The following SHOC2 variants were observed in gnomAD, a reference collection of about 807,000 sequenced individuals.
SHOC2 encodes leucine-rich repeat protein SHOC-2.
Under a neutral mutation model 50.2 loss-of-function variants are expected in SHOC2, and 4 were observed. The observed-to-expected ratio is 0.08, with a 90% confidence interval of 0.04 to 0.18. SHOC2 has a LOEUF of 0.18. Among genes scored for constraint, SHOC2 ranks in the 10% least tolerant of loss-of-function variants. SHOC2 has a pLI of 1.00. For synonymous variants in SHOC2, 218 were observed against 244.5 expected (o/e 0.89, Z 1.01); for missense variants, 388 against 669.6 (o/e 0.58, Z 4.64).
intron 1 of SHOC2, among the ~76,000 whole-genome samples, chr10:110,958,328 C>G (rs1269631853): frequency 6.6e-6 from 1 of 152,094 alleles, no homozygotes; most frequent in South Asian, 2.1e-4. Flanking sequence ...ATTCTTCTGC[C>G]TCAGCCTCCT....
At chr10:110,926,262 T>C (rs1846771026) in intron 1 of SHOC2, among the ~76,000 whole-genome samples, 1 of 152,208 alleles carries the variant, frequency 6.6e-6, no homozygotes, top group South Asian at 2.1e-4. Context: ...GTCTGTCTTA[T>C]TTACTGTTCC....
chr10:110,961,183 CATTTTGA>C (rs1306751599), intron 1 of SHOC2, among the ~76,000 whole-genome samples: 2 of 152,130 alleles, frequency 1.3e-5, no homozygotes, highest in East Asian at 3.9e-4. Context: ...AGATTTCAAG[CATTTTGA>C]GACTGGGTAC....
Position 111,011,728 on chromosome 10 carries a change from C to G in SHOC2, c.1659C>G (p.Leu553=), listed in dbSNP as rs1445114944. 3.7e-6 allele frequency: 6 copies of G among 1,614,014 alleles called. No homozygotes were observed. The highest frequency in any genetic ancestry group is 5.1e-6 in the Non-Finnish European group (6 of 1,179,916). Residue 553 remains leucine, a synonymous_variant, in exon 9 of 9, where the codon CTC becomes CTG. Transcript: ENST00000369452. Reference sequence around the variant, plus strand: ...TCATGAGTATTGAGAACTGTCCACTCAGTCACCTTCCACCTCAGATTGTTG... The same window carrying G: ...TCATGAGTATTGAGAACTGTCCACTGAGTCACCTTCCACCTCAGATTGTTG... ...LSIMSIENCP[L]SHLPPQIVAG...
At chr10:110,920,912 A>G (rs1386840005) in intron 1 of SHOC2, among the ~76,000 whole-genome samples, 2 of 152,202 alleles carry the variant, frequency 1.3e-5, no homozygotes, top group African/African-American at 4.8e-5. Flanking sequence ...GAGTGCGTCT[A>G]GTTTCTACTC....
At chr10:110,940,992 C>T (rs908173128) in intron 1 of SHOC2, among the ~76,000 whole-genome samples, 1 of 138,994 alleles carries the variant, frequency 7.2e-6, no homozygotes, top group South Asian at 2.4e-4. Context: ...GTGCAGTTAG[C>T]ACAATCTCTA....
At chr10:110,931,965 G>C (rs912394151) in intron 1 of SHOC2, among the ~76,000 whole-genome samples, 1 of 152,134 alleles carries the variant, frequency 6.6e-6, no homozygotes, top group Non-Finnish European at 1.5e-5. Flanking sequence ...CATGATAAGT[G>C]TTCTGTTAGG....
chr10:110,920,101 G>A (rs74156313), intron 1 of SHOC2: 14,520 of 151,512 alleles, frequency 0.096, 1,063 homozygotes, highest in East Asian at 0.24. Context: ...GCCCCGAGTC[G>A]TGTAAATCGT....
At chr10:110,954,242 T>G (rs921897550) in intron 1 of SHOC2, among the ~76,000 whole-genome samples, 6 of 152,150 alleles carry the variant, frequency 3.9e-5, no homozygotes, top group Admixed American at 6.5e-5. Context: ...GAATAGAAAT[T>G]GAAATATTTG....
chr10:110,990,358 G>A (rs959611028), intron 3 of SHOC2, among the ~76,000 whole-genome samples: 1 of 152,220 alleles, frequency 6.6e-6, no homozygotes, highest in Non-Finnish European at 1.5e-5. Context: ...CTCTGGTGGG[G>A]ACGTGGAGAA....
chr10:110,940,360 C>T (rs1847111298), intron 1 of SHOC2, among the ~76,000 whole-genome samples: 1 of 152,142 alleles, frequency 6.6e-6, no homozygotes, highest in Admixed American at 6.5e-5. Flanking sequence ...GTAACTCTCA[C>T]ATACCTTTAT....
At position 110,972,139 on chromosome 10, in the gene SHOC2, GTAT is replaced by G. The variant is rs535215742; in HGVS notation, c.703+7084_703+7086del. Among the ~76,000 whole-genome samples, 429 of 150,266 alleles carry G rather than the reference GTAT, an allele frequency of 2.9e-3. 2 individuals carry two copies. The highest frequency in any genetic ancestry group is 9.2e-3 in the African/African-American group (380 of 41,114). On this transcript the variant is annotated intron_variant, in intron 2 of 8. Transcript: ENST00000369452. ...TATATTTTAGTATTATAGTATTATG[GTAT>G]TATTACTATAACTTTATAATATATA... is the stretch of plus-strand genomic sequence containing the variant.
intron 4 of SHOC2, among the ~76,000 whole-genome samples, chr10:111,001,968 C>T (rs965457188): frequency 6.6e-6 from 1 of 151,928 alleles, no homozygotes. Flanking sequence ...GTGGCTTGAA[C>T]CCGGGAGGCA....
intron 5 of SHOC2, among the ~76,000 whole-genome samples, chr10:111,006,128 G>A (rs1252766723): frequency 1.3e-5 from 2 of 152,172 alleles, no homozygotes; most frequent in Non-Finnish European, 2.9e-5. Context: ...ATTAGTTTAT[G>A]CATTTGCATG....
intron 3 of SHOC2, among the ~76,000 whole-genome samples, chr10:110,994,996 C>T (rs1848245552): frequency 1.3e-5 from 2 of 151,978 alleles, no homozygotes; most frequent in Non-Finnish European, 2.9e-5. Context: ...TCAATTATGT[C>T]CAATAAAGTC....
intron 2 of SHOC2, among the ~76,000 whole-genome samples, chr10:110,977,540 C>T (rs1029507867): frequency 6.6e-6 from 1 of 152,190 alleles, no homozygotes; most frequent in Non-Finnish European, 1.5e-5. Context: ...CCACCGTACC[C>T]ATCCTGCATG....
At chr10:110,938,469 A>C (rs141547054) in intron 1 of SHOC2, among the ~76,000 whole-genome samples, 146 of 152,182 alleles carry the variant, frequency 9.6e-4, no homozygotes, top group African/African-American at 3.2e-3. Flanking sequence ...TTAATAATTT[A>C]TAATAATAAA....
rs1418237323 is a variant in SHOC2 at position 110,987,611 on chromosome 10, A to G, written c.841+1846A>G. ...ATATTCTACTAAATGTCCTGTATAA[A>G]ATAAGAGAATCAGATTTCTGGTTCA... On this transcript the variant is annotated intron_variant, in intron 3 of 8. Transcript: ENST00000369452. Among the ~76,000 whole-genome samples, 3 of 152,304 alleles carry G rather than the reference A, an allele frequency of 2.0e-5. No individual in the cohort carries two copies. The East Asian group carries it at 5.8e-4, about 29-fold the overall frequency.
At chr10:110,961,600 T>C (rs573526983) in intron 1 of SHOC2, among the ~76,000 whole-genome samples, 1 of 152,286 alleles carries the variant, frequency 6.6e-6, no homozygotes, top group African/African-American at 2.4e-5. Flanking sequence ...ATTATTGAAC[T>C]ATATATATCA....
chr10:110,936,162 T>A (rs1028543643), intron 1 of SHOC2, among the ~76,000 whole-genome samples: 4 of 150,634 alleles, frequency 2.7e-5, no homozygotes, highest in Admixed American at 1.3e-4. Context: ...AATGGCGCGA[T>A]CTCGGCTCAC....
Sources: gnomAD v4.1 joint callset for allele counts (sites outside exome capture counted in the v4.1 genomes callset) on GRCh38, gnomAD v4.1.1 for gene constraint, MANE v1.5 for transcripts, NCBI Gene and HGNC (gene_info 2026-07-23, HGNC 2026-07-21) for gene names.